LRRC28: variants seen among roughly 807,000 people sequenced by gnomAD.
LRRC28 encodes leucine-rich repeat-containing protein 28.
A neutral mutation model predicts 45.7 loss-of-function variants in LRRC28; 39 were observed. The ratio of observed to expected loss-of-function variants is 0.85; its 90% CI spans 0.66 to 1.12. The LOEUF (loss-of-function observed/expected upper bound fraction) is 1.12. LRRC28 is among the 50% of genes most tolerant of loss of function. The pLI is 0.00. For missense variants in LRRC28, 435 were observed against 438.5 expected, an observed-to-expected ratio of 0.99 and a Z score of 0.07; for synonymous variants, 206 against 178.8, an observed-to-expected ratio of 1.15 and a Z score of -1.22.
At chr15:99,327,210 G>C (rs1956013645) in intron 5 of LRRC28, among the ~76,000 whole-genome samples, 1 of 152,008 alleles carries the variant, frequency 6.6e-6, no homozygotes, top group South Asian at 2.1e-4. Flanking sequence ...GAGTAGCTGG[G>C]ATTACAGGTG....
chr15:99,281,307 T>G lies in LRRC28; in HGVS notation c.209+4691T>G, dbSNP rs544875916. The stretch of plus-strand genomic sequence containing the variant: ...TCACCCAGGAGTTACACTGGAGTGT[T>G]GTGATGCAATCATGGCTCACTGTAA... On this transcript the variant is annotated intron_variant, in intron 3 of 9. Coordinates refer to ENST00000301981, the MANE Select transcript of LRRC28 (RefSeq NM_144598.5). Among the ~76,000 whole-genome samples the G allele has an allele frequency of 8.6e-5, 13 of 151,894 alleles. No individual in the cohort carries two copies. The East Asian group carries it at 2.5e-3, about 29-fold the overall frequency.
At chr15:99,257,657 C>T (rs960713963) in intron 2 of LRRC28, 7 of 730,164 alleles carry the variant, frequency 9.6e-6, no homozygotes, top group Non-Finnish European at 1.8e-5. Flanking sequence ...GCTGGGGCCT[C>T]TGCTGCGTCC....
chr15:99,306,928 G>C (rs1250139579), intron 5 of LRRC28, among the ~76,000 whole-genome samples: 1 of 152,172 alleles, frequency 6.6e-6, no homozygotes, highest in African/African-American at 2.4e-5. Context: ...GTCCTTTTCG[G>C]GTCCATTGCC....
chr15:99,257,787 G>A (rs1317976369), intron 2 of LRRC28: 1 of 780,376 alleles, frequency 1.3e-6, no homozygotes, highest in Non-Finnish European at 2.4e-6. Flanking sequence ...ACAGAGAGAG[G>A]AAGAAGCTAT....
intron 5 of LRRC28, among the ~76,000 whole-genome samples, chr15:99,313,025 TA>T (rs1955469685): frequency 6.6e-6 from 1 of 152,066 alleles, no homozygotes; most frequent in South Asian, 2.1e-4. Context: ...AGACCCAAAC[TA>T]TATTTTGTCA....
intron 5 of LRRC28, among the ~76,000 whole-genome samples, chr15:99,303,143 A>G (rs1955044485): frequency 6.6e-6 from 1 of 152,198 alleles, no homozygotes; most frequent in African/African-American, 2.4e-5. Context: ...CAACCTTGCC[A>G]GCATTTGGTA....
At chr15:99,308,235 T>C (rs1801469464) in intron 5 of LRRC28, among the ~76,000 whole-genome samples, 3 of 152,244 alleles carry the variant, frequency 2.0e-5, no homozygotes, top group African/African-American at 7.2e-5. Flanking sequence ...TTACACAACG[T>C]GACTTAGTAA....
chr15:99,329,844 A>G (rs1956102950), intron 5 of LRRC28, among the ~76,000 whole-genome samples: 1 of 152,176 alleles, frequency 6.6e-6, no homozygotes, highest in Admixed American at 6.5e-5. Flanking sequence ...GTCGCCAACC[A>G]TAGTGGTATG....
At chr15:99,297,080 C>G (rs1318391279) in intron 5 of LRRC28, among the ~76,000 whole-genome samples, 1 of 150,968 alleles carries the variant, frequency 6.6e-6, no homozygotes, top group Non-Finnish European at 1.5e-5. Context: ...ATTCCGGAGG[C>G]TGAGGCAGGA....
intron 7 of LRRC28, among the ~76,000 whole-genome samples, chr15:99,356,577 T>A (rs55783693): frequency 0.033 from 4,954 of 152,248 alleles, 121 homozygotes; most frequent in Non-Finnish European, 0.052. Flanking sequence ...ATCTTATGCA[T>A]GTATAATTGG....
intron 9 of LRRC28, among the ~76,000 whole-genome samples, chr15:99,377,366 AT>A (rs1957671872): frequency 6.6e-6 from 1 of 152,066 alleles, no homozygotes; most frequent in Non-Finnish European, 1.5e-5. Context: ...GTCTGTTCAT[AT>A]CCTTTGCCCA....
intron 9 of LRRC28, among the ~76,000 whole-genome samples, chr15:99,375,498 T>G (rs1255091482): frequency 6.6e-6 from 1 of 152,206 alleles, no homozygotes; most frequent in African/African-American, 2.4e-5. Flanking sequence ...AGTTAGGAAG[T>G]GTTCTTCTTC....
At position 99,333,945 on chromosome 15, in the gene LRRC28, G is replaced by T. The variant is rs1431056186; in HGVS notation, c.408G>T (p.Leu136=). The part of the protein sequence containing the change: ...LPPEVGDLKE[L]QTLDISTNRL... ...TAGAGGTTGGCGATTTGAAGGAGCT[G>T]CAGACACTAGACATTTCTACCAATC... Residue 136 remains leucine, a synonymous_variant, in exon 6 of 10, where the codon CTG becomes CTT. Transcript: ENST00000301981. 11 of 1,613,970 alleles carry T rather than the reference G, an allele frequency of 6.8e-6. No homozygotes were observed. Among genetic ancestry groups the T allele is most frequent in the African/African-American group, 5.3e-5 (4 of 74,914 alleles).
chr15:99,312,718 A>G (rs925248075), intron 5 of LRRC28, among the ~76,000 whole-genome samples: 1 of 152,184 alleles, frequency 6.6e-6, no homozygotes, highest in Non-Finnish European at 1.5e-5. Context: ...TTGTGCTACA[A>G]TGTTACAATG....
At chr15:99,252,079 TAAGA>T (rs2080825604) in intron 1 of LRRC28, 1 of 152,196 alleles carries the variant, frequency 6.6e-6, no homozygotes, top group South Asian at 2.1e-4. Context: ...TTTTTAATAA[TAAGA>T]TAGATTGGTG....
chr15:99,333,158 A>G (rs770426534), intron 5 of LRRC28, among the ~76,000 whole-genome samples: 4 of 152,196 alleles, frequency 2.6e-5, no homozygotes, highest in Non-Finnish European at 5.9e-5. Flanking sequence ...CTTGTAAGGA[A>G]CTTCCTAATC....
At chr15:99,279,774 T>G (rs538056046) in intron 3 of LRRC28, among the ~76,000 whole-genome samples, 8 of 152,358 alleles carry the variant, frequency 5.3e-5, no homozygotes, top group African/African-American at 1.9e-4. Flanking sequence ...TCCAGAGTTC[T>G]CAACATGTAG....
intron 9 of LRRC28, among the ~76,000 whole-genome samples, chr15:99,374,484 G>T (rs918387882): frequency 6.6e-6 from 1 of 152,118 alleles, no homozygotes; most frequent in Non-Finnish European, 1.5e-5. Context: ...TTAGTTCTAG[G>T]AGTATTTTTT....
At chr15:99,334,402 AGTGTGTGTGTGTGTGT>A (rs57298947) in intron 6 of LRRC28, among the ~76,000 whole-genome samples, 4 of 144,604 alleles carry the variant, frequency 2.8e-5, no homozygotes, top group Admixed American at 1.4e-4. Flanking sequence ...GGAATTAAAG[AGTGTGTGTGTGTGTGT>A]GTGTGTGTGT....
Sources: allele counts gnomAD v4.1 joint callset (sites outside exome capture counted in the v4.1 genomes callset), GRCh38; gene constraint gnomAD v4.1.1; transcripts MANE v1.5; gene names NCBI Gene and HGNC (gene_info 2026-07-23, HGNC 2026-07-21).